The following CYP27C1 variants were observed in gnomAD, a reference collection of about 807,000 sequenced individuals.
CYP27C1 encodes the protein cytochrome P450 family 27 subfamily C member 1.
In CYP27C1, 29 loss-of-function variants were observed where a neutral mutation model predicts 40.6. The observed-to-expected ratio is 0.71, with a 90% CI of 0.53 to 0.97. CYP27C1 has a LOEUF of 0.97. CYP27C1 is among the 50% of genes least tolerant of loss of function. The pLI is 0.00. For missense variants in CYP27C1, 390 were observed against 485.8 expected (o/e 0.80, Z 1.85); for synonymous variants, 198 against 186.8 (o/e 1.06, Z -0.49).
chr2:127,196,320 C>G lies in CYP27C1; in HGVS notation c.1048-819G>C, dbSNP rs1573894856. On this transcript the variant is annotated intron_variant, in intron 5 of 8. Transcript: ENST00000664447. The surrounding 1 kb of genome is among the most constrained non-coding windows in gnomAD (Gnocchi z 4.5). ...TGTGATCTGCCCACCTCGGGTCTCC[C>G]AAAGTGCTGGGATTACAGGCGTGAG... Among the ~76,000 whole-genome samples the G allele has an allele frequency of 6.6e-6, 1 of 152,154 alleles. No individual in the cohort carries two copies. Among genetic ancestry groups the G allele is most frequent in the Admixed American group, 6.5e-5 (1 of 15,274 alleles).
Position 127,213,058 on chromosome 2 carries a change from C to G in CYP27C1, c.282+6931G>C, listed in dbSNP as rs190132147. ...AGAGAGCCAAATCATGAATGAACTCCCATTCATAATCACTACAAAGAGAAT... is the reference window on the plus strand; with the variant it reads ...AGAGAGCCAAATCATGAATGAACTCGCATTCATAATCACTACAAAGAGAAT... On this transcript the variant is annotated intron_variant, in intron 1 of 8. Coordinates refer to ENST00000664447, the MANE Select transcript of CYP27C1 (RefSeq NM_001367502.1). 4.1e-4 allele frequency among the ~76,000 whole-genome samples: 62 copies of G among 152,194 alleles called. No homozygotes were observed. In the East Asian group the frequency reaches 0.012, roughly 28 times the overall value.
At chr2:127,187,506 G>A in intron 8 of CYP27C1, 119 bp from the exon 9 acceptor site, 2 of 804,610 alleles carry the variant, frequency 2.5e-6, no homozygotes, top group Non-Finnish European at 4.1e-6. Context: ...CAGGCAATGA[G>A]CACCCACATC....
chr2:127,194,956 A>C (rs13001833), intron 6 of CYP27C1, among the ~76,000 whole-genome samples: 62,057 of 151,456 alleles, frequency 0.41, 13,029 homozygotes, highest in East Asian at 0.57. Flanking sequence ...CAGCCTCCCA[A>C]GTAGCTGGGA....
chr2:127,190,360 T>C (rs1178388460), intron 8 of CYP27C1, among the ~76,000 whole-genome samples: 1 of 134,588 alleles, frequency 7.4e-6, no homozygotes, highest in Non-Finnish European at 1.6e-5. Context: ...TTTTTTTTTT[T>C]GAGACAGAGT....
intron 6 of CYP27C1, 151 bp from the exon 7 acceptor site, chr2:127,194,018 C>A (rs1443284661): frequency 1.2e-6 from 1 of 864,116 alleles, no homozygotes. Context: ...TTGCAAGGAC[C>A]TTTGCTGCTT....
intron 5 of CYP27C1, 86 bp downstream of exon 5, chr2:127,199,290 G>T (rs763427735): frequency 1.3e-6 from 2 of 1,525,712 alleles, no homozygotes; most frequent in Non-Finnish European, 1.8e-6. Flanking sequence ...CCATCCTCCC[G>T]CTCCAAAAAA....
intron 4 of CYP27C1, 71 bp from the exon 5 acceptor site, chr2:127,199,610 T>C: frequency 6.8e-7 from 1 of 1,481,264 alleles, no homozygotes; most frequent in Non-Finnish European, 9.1e-7. Flanking sequence ...CAAAGCCCTC[T>C]GTCCTCCCAG....
intron 5 of CYP27C1, among the ~76,000 whole-genome samples, chr2:127,197,098 T>C (rs1168265060): frequency 6.6e-6 from 1 of 152,222 alleles, no homozygotes. Context: ...CTCATTGTGA[T>C]GTTCTTAGTT....
At chr2:127,197,437 C>T (rs745479877) in intron 5 of CYP27C1, among the ~76,000 whole-genome samples, 2 of 152,054 alleles carry the variant, frequency 1.3e-5, no homozygotes, top group South Asian at 2.1e-4. Flanking sequence ...TAGGTCTGTG[C>T]GGGGCGTGCC....
chr2:127,196,776 ATTACTG>A lies in CYP27C1; in HGVS notation c.1048-1281_1048-1276del, dbSNP rs1682914171. On this transcript the variant is annotated intron_variant, in intron 5 of 8. Transcript: ENST00000664447. This position sits in a 1 kb window ranked among gnomAD's most constrained non-coding sequence, Gnocchi z 4.5. The stretch of plus-strand genomic sequence containing the variant: ...ACTACTTAGTAATAAAAAAGAATCA[ATTACTG>A]TTCTATGCCACCACATGAATGAACC... Among the ~76,000 whole-genome samples the A allele has an allele frequency of 6.6e-6, 1 of 152,200 alleles. No individual in the cohort carries two copies. The highest frequency in any genetic ancestry group is 2.4e-5 in the African/African-American group (1 of 41,446).
At chr2:127,199,642 A>C in intron 4 of CYP27C1, 103 bp from the exon 5 acceptor site, 1 of 1,274,490 alleles carries the variant, frequency 7.8e-7, no homozygotes, top group Non-Finnish European at 1.1e-6. Context: ...AACCAGTGGC[A>C]GGTGACAGAG....
rs1683495068 is a variant in CYP27C1 at position 127,218,973 on chromosome 2, G to A, written c.282+1016C>T. The stretch of plus-strand genomic sequence containing the variant: ...AAGTGGGAAGCGTGCGGAATTCGCC[G>A]GCCCCAACGCCCTAGCGGGTGGCTG... On this transcript the variant is annotated intron_variant, in intron 1 of 8. Transcript: ENST00000664447. The surrounding 1 kb of genome is among the most constrained non-coding windows in gnomAD (Gnocchi z 6.0). Among the ~76,000 whole-genome samples, 1 of 152,222 alleles carries A rather than the reference G, an allele frequency of 6.6e-6. No homozygotes were observed. The highest frequency in any genetic ancestry group is 2.1e-4 in the South Asian group (1 of 4,824).
intron 4 of CYP27C1, 115 bp from the exon 5 acceptor site, chr2:127,199,654 G>A (rs1682987532): frequency 8.9e-7 from 1 of 1,128,280 alleles, no homozygotes; most frequent in Non-Finnish European, 1.2e-6. Context: ...GTGACAGAGG[G>A]TAAGGAAACC....
At chr2:127,198,214 C>CAT (rs61409970) in intron 5 of CYP27C1, among the ~76,000 whole-genome samples, 14 of 151,730 alleles carry the variant, frequency 9.2e-5, no homozygotes, top group African/African-American at 3.4e-4. Context: ...CACACACACA[C>CAT]GCACTCATCA....
intron 5 of CYP27C1, 47 bp downstream of exon 5, chr2:127,199,329 A>C: frequency 6.3e-7 from 1 of 1,596,052 alleles, no homozygotes; most frequent in Non-Finnish European, 8.6e-7. Context: ...GTGATGAGGA[A>C]GGGGTTATCG....
chr2:127,206,159 C>T (rs140981336), intron 1 of CYP27C1, among the ~76,000 whole-genome samples, 69 bp from the exon 2 acceptor site: 3 of 152,320 alleles, frequency 2.0e-5, no homozygotes, highest in African/African-American at 7.2e-5. Flanking sequence ...ACATAAACAT[C>T]CTGTGTGCTA....
chr2:127,213,100 C>T (rs1224160393), intron 1 of CYP27C1, among the ~76,000 whole-genome samples: 1 of 152,120 alleles, frequency 6.6e-6, no homozygotes, highest in African/African-American at 2.4e-5. Context: ...TCTAGGAATA[C>T]AGCTACCAAG....
At chr2:127,192,493 G>A (rs1264570642) in intron 8 of CYP27C1, among the ~76,000 whole-genome samples, 4 of 152,220 alleles carry the variant, frequency 2.6e-5, no homozygotes, top group Non-Finnish European at 1.5e-5. Context: ...CATGTAAGGT[G>A]TTCTGTAACA....
In CYP27C1 at chr2:127,204,626, A is replaced by AAAGAC. The variant is rs200607857; in HGVS notation, c.474-1056_474-1055insGTCTT. On this transcript the variant is annotated intron_variant, in intron 2 of 8. Transcript: ENST00000664447. ...GAAAGAAAGAAAGAAAGAAAGAAAG[A>AAAGAC]AGACTGCAGCTTGTTACCAGGGTGT... 5.8e-3 allele frequency among the ~76,000 whole-genome samples: 225 copies of AAAGAC among 38,814 alleles called. 13 individuals are homozygous for AAAGAC. Among genetic ancestry groups the AAAGAC allele is most frequent in the East Asian group, 0.025 (25 of 1,000 alleles). 25.5% of individuals were successfully genotyped at this position (38,814 alleles called of 152,430 possible). A position where few individuals can be genotyped will look rare whatever the true frequency, so the allele number is the denominator to read the frequency against.
Sources: allele counts gnomAD v4.1 joint callset (sites outside exome capture counted in the v4.1 genomes callset), GRCh38; gene constraint gnomAD v4.1.1; non-coding constraint Gnocchi (gnomAD v3.1); transcripts MANE v1.5; gene names NCBI Gene and HGNC (gene_info 2026-07-23, HGNC 2026-07-21).